Variants in SLC35E1 observed in about 807,000 individuals in gnomAD.
The protein encoded by SLC35E1 is solute carrier family 35 member E1, also known as solute carrier family 35, member E1.
Under a neutral mutation model 31.0 loss-of-function variants are expected in SLC35E1, and 12 were observed. The ratio of observed to expected loss-of-function variants is 0.39; its 90% CI spans 0.25 to 0.63. The LOEUF (loss-of-function observed/expected upper bound fraction) is 0.63. Ranked by LOEUF, SLC35E1 falls within the 20% of genes least tolerant of loss-of-function variation. SLC35E1 has a pLI of 0.52. For missense variants in SLC35E1, 429 were observed against 572.2 expected (o/e 0.75, Z 2.55); for synonymous variants, 257 against 264.1 (o/e 0.97, Z 0.26).
At position 16,555,204 on chromosome 19, in the gene SLC35E1, G is replaced by A. The variant is rs751654477; in HGVS notation, c.950C>T (p.Thr317Ile). The change falls in exon 5 of 6, where the codon ACC (threonine) becomes ATC (isoleucine). Residue 317 changes from threonine to isoleucine, a missense_variant. Thr to Ile is a moderately conservative substitution (Grantham distance 89, BLOSUM62 -1). Transcript: ENST00000595753. The surrounding 1 kb of genome is among the most constrained non-coding windows in gnomAD (Gnocchi z 4.1). ...GGCGGTCATCATGCCCAGGACGTTG[G>A]TGCTGGTGACTGGGTTGCGCAGCAT... ...LIMLRNPVTS[T>I]NVLGMMTAIL... 2 of 1,614,190 alleles carry A rather than the reference G, an allele frequency of 1.2e-6. No individual in the cohort carries two copies. Among genetic ancestry groups the A allele is most frequent in the Non-Finnish European group, 1.7e-6 (2 of 1,180,036 alleles).
In SLC35E1 at chr19:16,555,491, G is replaced by T; in HGVS notation, c.757-94C>A. 4 of 1,514,182 alleles carry T rather than the reference G, an allele frequency of 2.6e-6. No homozygotes were observed. The South Asian group carries it at 5.1e-5, about 19-fold the overall frequency. The allele number at this position is 1,514,182 out of a possible 1,614,324, so 93.8% of individuals were successfully genotyped here. A position where few individuals can be genotyped will look rare whatever the true frequency, so the allele number is the denominator to read the frequency against. ...TGGCAGGGTTAGGGGAAGGGATGTGGAGGGGCTCATCTGGAGCCTCATGGT... is the reference window on the plus strand; with the variant it reads ...TGGCAGGGTTAGGGGAAGGGATGTGTAGGGGCTCATCTGGAGCCTCATGGT... On this transcript the variant is annotated intron_variant, in intron 4 of 5. Transcript: ENST00000595753. The surrounding 1 kb of genome is among the most constrained non-coding windows in gnomAD (Gnocchi z 4.1).
Position 16,567,963 on chromosome 19 carries a change from C to T in SLC35E1, c.630+69G>A, listed in dbSNP as rs2085940126. 4 of 1,469,460 alleles carry T rather than the reference C, an allele frequency of 2.7e-6. No homozygotes were observed. In the South Asian group the frequency reaches 5.6e-5, roughly 21 times the overall value. The allele number at this position is 1,469,460 out of a possible 1,614,324, so 91.0% of individuals were successfully genotyped here. Reference sequence around the variant, plus strand: ...GAAATTTCTACTCCGCCTGTTTTCCCAATGCCACCAGTTTGCTGCCCGCAC... The same window carrying T: ...GAAATTTCTACTCCGCCTGTTTTCCTAATGCCACCAGTTTGCTGCCCGCAC... On this transcript the variant is annotated intron_variant, in intron 3 of 5. Transcript: ENST00000595753.
At position 16,550,860 on chromosome 19, in the gene SLC35E1, GAATTA is replaced by G. The variant is rs1317915042; in HGVS notation, c.*2814_*2818del. On this transcript the variant is annotated 3_prime_UTR_variant, in exon 6 of 6. Transcript: ENST00000595753. Reference sequence around the variant, plus strand: ...CGTACTTGCTGTAAATTTATATACAGAATTAAATAGCCCATTTATTAATTTATAAA... The same window carrying G: ...CGTACTTGCTGTAAATTTATATACAGAATAGCCCATTTATTAATTTATAAA... The G allele has an allele frequency of 6.6e-6, 1 of 152,134 alleles. No individual in the cohort carries two copies. The highest frequency in any genetic ancestry group is 1.5e-5 in the Non-Finnish European group (1 of 68,038). 9.4% of individuals were successfully genotyped at this position (152,134 alleles called of 1,614,324 possible).
At chr19:16,567,899 G>A in intron 3 of SLC35E1, 133 bp downstream of exon 3, 1 of 1,279,380 alleles carries the variant, frequency 7.8e-7, no homozygotes, top group African/African-American at 1.5e-5. Flanking sequence ...CAGAAAATCA[G>A]CAGAATGGCA....
rs1178198365 is a variant in SLC35E1 at position 16,553,377 on chromosome 19, T to A, written c.*302A>T. On this transcript the variant is annotated 3_prime_UTR_variant, in exon 6 of 6. Coordinates refer to ENST00000595753, the MANE Select transcript of SLC35E1 (RefSeq NM_024881.5). ...ACACTGCTTGGGGAATAATTCCACA[T>A]GGAAAGGTACAACGTGGCCAAGATC... The A allele has an allele frequency of 4.5e-6, 1 of 223,868 alleles. No individual in the cohort carries two copies. Among genetic ancestry groups the A allele is most frequent in the Non-Finnish European group, 8.7e-6 (1 of 114,986 alleles). 13.9% of individuals were successfully genotyped at this position (223,868 alleles called of 1,614,324 possible).
At position 16,559,357 on chromosome 19, in the gene SLC35E1, T is replaced by C. The variant is rs567274582; in HGVS notation, c.757-3960A>G. Among the ~76,000 whole-genome samples, 4 of 151,988 alleles carry C rather than the reference T, an allele frequency of 2.6e-5. No homozygotes were observed. In the East Asian group the frequency reaches 7.8e-4, roughly 30 times the overall value. On this transcript the variant is annotated intron_variant, in intron 4 of 5. Transcript: ENST00000595753. The stretch of plus-strand genomic sequence containing the variant: ...ATTTCTAGCCAAGTTTGGTGGCTCA[T>C]GTCTATAGTCCCAGCACTTTGGGAG...
intron 4 of SLC35E1, 141 bp downstream of exon 4, chr19:16,566,391 A>G (rs1307983178): frequency 1.8e-6 from 2 of 1,122,032 alleles, no homozygotes; most frequent in Non-Finnish European, 2.5e-6. Context: ...GAGGCATTAC[A>G]GAGGACTGAC....
In SLC35E1 at chr19:16,572,090, C is replaced by T. The variant is rs577323650; in HGVS notation, c.275G>A (p.Gly92Glu). The change falls in exon 1 of 6, where the codon GGA becomes GAA. Residue 92 changes from glycine to glutamate, a missense_variant. Gly to Glu is a moderately conservative substitution (Grantham distance 98). Coordinates refer to ENST00000595753, the MANE Select transcript of SLC35E1 (RefSeq NM_024881.5). The surrounding 1 kb of genome is among the most constrained non-coding windows in gnomAD (Gnocchi z 4.1). ...GCCGGACGACGGATGCGGACTGGGT[C>T]CGGGGCCCGAGACGGGCGGCGCGGG... ...VPPAPPVSGP[G>E]PSPHPSSGPL... is the part of the protein sequence containing the mutation. 93 of 1,522,778 alleles carry T rather than the reference C, an allele frequency of 6.1e-5. 1 individual carries two copies. In the African/African-American group the frequency reaches 1.2e-3, roughly 19 times the overall value. The allele number at this position is 1,522,778 out of a possible 1,614,324, so 94.3% of individuals were successfully genotyped here.
In SLC35E1 at chr19:16,568,088, C is replaced by A. The variant is rs138285196; in HGVS notation, c.574G>T (p.Val192Phe). ...TELSFDMWGL[V>F]SALAATLCFS... is the part of the protein sequence containing the mutation. ...CACAGCGTGGCGGCGAGGGCGCTGA[C>A]GAGTCCCCACATGTCAAAAGACAAC... is the stretch of plus-strand genomic sequence containing the variant. The change falls in exon 3 of 6, where the codon GTC becomes TTC. Residue 192 changes from valine (V) to phenylalanine (F), a missense_variant. Physicochemically the swap from Val to Phe is conservative, Grantham distance 50. Coordinates refer to ENST00000595753, the MANE Select transcript of SLC35E1 (RefSeq NM_024881.5). 3 of 1,613,616 alleles carry A rather than the reference C, an allele frequency of 1.9e-6. No homozygotes were observed. In the Admixed American group the frequency reaches 5.0e-5, roughly 27 times the overall value.
Position 16,557,351 on chromosome 19 carries a change from G to A in SLC35E1, c.757-1954C>T, listed in dbSNP as rs886216516. Among the ~76,000 whole-genome samples, 3 of 151,986 alleles carry A rather than the reference G, an allele frequency of 2.0e-5. No homozygotes were observed. In the South Asian group the frequency reaches 6.2e-4, roughly 32 times the overall value. Reference sequence around the variant, plus strand: ...CGGGACTACAGGCGCCCGCCACCGCGCCCGGCTAATTTTTTGTATTTTTAG... The same window carrying A: ...CGGGACTACAGGCGCCCGCCACCGCACCCGGCTAATTTTTTGTATTTTTAG... On this transcript the variant is annotated intron_variant, in intron 4 of 5. Coordinates refer to ENST00000595753, the MANE Select transcript of SLC35E1 (RefSeq NM_024881.5).
intron 2 of SLC35E1, among the ~76,000 whole-genome samples, chr19:16,568,711 T>C (rs192181638): frequency 6.6e-5 from 10 of 152,206 alleles, no homozygotes; most frequent in Non-Finnish European, 1.0e-4. Flanking sequence ...TTTTGTACTT[T>C]TAGTAGAGAC....
chr19:16,572,039 G>A lies in SLC35E1; in HGVS notation c.326C>T (p.Pro109Leu). The A allele has an allele frequency of 1.3e-6, 2 of 1,541,194 alleles. No homozygotes were observed. The highest frequency in any genetic ancestry group is 1.7e-6 in the Non-Finnish European group (2 of 1,143,456). The change falls in exon 1 of 6, where the codon CCG becomes CTG. Residue 109 changes from proline (P) to leucine (L), a missense_variant. Physicochemically the swap from Pro to Leu is moderately conservative, Grantham distance 98. Coordinates refer to ENST00000595753, the MANE Select transcript of SLC35E1 (RefSeq NM_024881.5). This position sits in a 1 kb window ranked among gnomAD's most constrained non-coding sequence, Gnocchi z 4.1. Reference protein sequence around the residue: ...SGPLLPPRFYPRYVLPLAFGK... With the variant: ...SGPLLPPRFYLRYVLPLAFGK... Reference sequence around the variant, plus strand: ...GAAGGCGAGCGGTAGCACGTAGCGCGGGTAGAAGCGCGGCGGCAGCAGCGG... The same window carrying A: ...GAAGGCGAGCGGTAGCACGTAGCGCAGGTAGAAGCGCGGCGGCAGCAGCGG...
intron 5 of SLC35E1, among the ~76,000 whole-genome samples, chr19:16,554,525 G>A (rs1222374372): frequency 6.6e-6 from 1 of 151,876 alleles, no homozygotes; most frequent in African/African-American, 2.4e-5. Flanking sequence ...CATGTGTTAA[G>A]AAACAAATGA....
chr19:16,554,337 G>A (rs2085863472), intron 5 of SLC35E1, among the ~76,000 whole-genome samples: 2 of 151,740 alleles, frequency 1.3e-5, no homozygotes, highest in South Asian at 2.1e-4. Flanking sequence ...CTTGAGCAAG[G>A]AAAGCAGACT....
chr19:16,556,669 A>AG (rs1280238526), intron 4 of SLC35E1, among the ~76,000 whole-genome samples: 3 of 152,236 alleles, frequency 2.0e-5, no homozygotes, highest in Non-Finnish European at 4.4e-5. Flanking sequence ...GGTGAGAACC[A>AG]GGTAGACACT....
At position 16,550,154 on chromosome 19, in the gene SLC35E1, T is replaced by TGTG. The variant is rs1568269048; in HGVS notation, c.*3524_*3525insCAC. On this transcript the variant is annotated 3_prime_UTR_variant, in exon 6 of 6. Transcript: ENST00000595753. Reference sequence around the variant, plus strand: ...CCCCTTTGTGGTAGGGGCTTGACTGTTCCTAGAATGAATGACTTAAAATAA... The same window carrying TGTG: ...CCCCTTTGTGGTAGGGGCTTGACTGTGTGTCCTAGAATGAATGACTTAAAATAA... The TGTG allele has an allele frequency of 6.6e-6, 1 of 152,180 alleles. No individual in the cohort carries two copies. The highest frequency in any genetic ancestry group is 2.4e-5 in the African/African-American group (1 of 41,458). 9.4% of individuals were successfully genotyped at this position (152,180 alleles called of 1,614,324 possible).
At position 16,571,963 on chromosome 19, in the gene SLC35E1, G is replaced by C; in HGVS notation, c.402C>G (p.Pro134=). 2.6e-6 allele frequency: 4 copies of C among 1,547,504 alleles called. No individual in the cohort carries two copies. In the South Asian group the frequency reaches 3.6e-5, roughly 14 times the overall value. ...VSAHVSIWKV[P]VSYAHTVKAT... ...ACCTACCGGTGTGTGCATAGGACAC[G>C]GGCACCTTCCAGATGCTGACGTGCG... Residue 134 remains proline, a synonymous_variant, in exon 1 of 6, where the codon CCC becomes CCG. Coordinates refer to ENST00000595753, the MANE Select transcript of SLC35E1 (RefSeq NM_024881.5).
chr19:16,566,912 T>C (rs2085935181), intron 3 of SLC35E1, among the ~76,000 whole-genome samples: 1 of 152,202 alleles, frequency 6.6e-6, no homozygotes, highest in South Asian at 2.1e-4. Flanking sequence ...TGAAGTGAAG[T>C]AGGCACTCTG....
chr19:16,570,973 CT>C (rs1309425562), intron 2 of SLC35E1, among the ~76,000 whole-genome samples: 1 of 151,918 alleles, frequency 6.6e-6, no homozygotes, highest in Non-Finnish European at 1.5e-5. Flanking sequence ...TAGTGCACGT[CT>C]GTAGTCCCAA....
Sources: allele counts gnomAD v4.1 joint callset (sites outside exome capture counted in the v4.1 genomes callset), GRCh38; gene constraint gnomAD v4.1.1; non-coding constraint Gnocchi (gnomAD v3.1); transcripts MANE v1.5; gene names NCBI Gene and HGNC (gene_info 2026-07-23, HGNC 2026-07-21).